CARMIL1: variants seen among roughly 807,000 people sequenced by gnomAD.
CARMIL1 encodes F-actin-uncapping protein LRRC16A.
A neutral mutation model predicts 177.1 loss-of-function variants in CARMIL1; 90 were observed. The ratio of observed to expected loss-of-function variants is 0.51; its 90% CI spans 0.43 to 0.61. The LOEUF is 0.61. CARMIL1 is among the 20% of genes least tolerant of loss of function. CARMIL1 has a pLI of 0.00. For missense variants in CARMIL1, 1,380 were observed against 1,667.0 expected (o/e 0.83, Z 3.00); for synonymous variants, 577 against 606.2 (o/e 0.95, Z 0.71).
At chr6:25,426,394 G>T in intron 3 of CARMIL1, 107 bp from the exon 4 acceptor site, 1 of 791,844 alleles carries the variant, frequency 1.3e-6, no homozygotes, top group South Asian at 2.0e-5. Flanking sequence ...TTGCTCTTGG[G>T]CTGTTTCTAG....
chr6:25,353,332 G>GT (rs1788293271), intron 2 of CARMIL1, among the ~76,000 whole-genome samples: 2 of 152,156 alleles, frequency 1.3e-5, no homozygotes, highest in Admixed American at 6.5e-5. Flanking sequence ...TAAAACTGAG[G>GT]TGCAGACAGG....
At chr6:25,488,730 T>C in intron 13 of CARMIL1, 145 bp downstream of exon 13, 1 of 681,680 alleles carries the variant, frequency 1.5e-6, no homozygotes, top group Non-Finnish European at 2.6e-6. Flanking sequence ...GCTTATGAAG[T>C]GTTTTACTGA....
intron 5 of CARMIL1, among the ~76,000 whole-genome samples, chr6:25,436,774 T>C (rs940003927): frequency 1.3e-4 from 20 of 152,162 alleles, no homozygotes; most frequent in African/African-American, 4.6e-4. Context: ...GCTTAAGTCT[T>C]GTGGTTCTCT....
chr6:25,584,725 G>A (rs1049736471), intron 31 of CARMIL1, among the ~76,000 whole-genome samples: 2 of 152,006 alleles, frequency 1.3e-5, no homozygotes, highest in Middle Eastern at 3.2e-3. Context: ...CTCTCCCCAT[G>A]TCTTCAGAGA....
At chr6:25,462,635 C>T (rs1305269057) in intron 8 of CARMIL1, among the ~76,000 whole-genome samples, 1 of 152,212 alleles carries the variant, frequency 6.6e-6, no homozygotes, top group Non-Finnish European at 1.5e-5. Context: ...AATACTCTTT[C>T]TCCCTGGCTG....
At chr6:25,369,182 T>C (rs183285761) in intron 2 of CARMIL1, among the ~76,000 whole-genome samples, 1 of 152,260 alleles carries the variant, frequency 6.6e-6, no homozygotes, top group Admixed American at 6.5e-5. Flanking sequence ...GGTGGATCTG[T>C]CTTGGATCCT....
chr6:25,521,924 C>T (rs1214115201), intron 23 of CARMIL1, among the ~76,000 whole-genome samples: 1 of 152,126 alleles, frequency 6.6e-6, no homozygotes, highest in African/African-American at 2.4e-5. Context: ...GCCAGCTGGC[C>T]CTGAACCCTT....
chr6:25,283,105 T>C (rs147770932), intron 1 of CARMIL1, among the ~76,000 whole-genome samples: 42 of 152,260 alleles, frequency 2.8e-4, no homozygotes, highest in African/African-American at 9.4e-4. Flanking sequence ...AAGAGAATAA[T>C]AGATACACAA....
chr6:25,544,645 A>ACACACACACC (rs1554221082), intron 26 of CARMIL1, among the ~76,000 whole-genome samples: 4 of 138,992 alleles, frequency 2.9e-5, no homozygotes, highest in African/African-American at 8.2e-5. Flanking sequence ...ACACACACAC[A>ACACACACACC]CCCCAAACAC....
intron 22 of CARMIL1, among the ~76,000 whole-genome samples, chr6:25,518,187 G>T (rs558494599): frequency 1.7e-4 from 26 of 152,282 alleles, no homozygotes; most frequent in African/African-American, 6.0e-4. Flanking sequence ...CAGATTCCTT[G>T]TATATGTGAG....
At chr6:25,406,155 C>A (rs1417226520) in intron 2 of CARMIL1, among the ~76,000 whole-genome samples, 1 of 152,130 alleles carries the variant, frequency 6.6e-6, no homozygotes, top group Non-Finnish European at 1.5e-5. Context: ...GATAAGTATT[C>A]ATAAGAAAAT....
At chr6:25,547,022 C>T (rs1809561131) in intron 26 of CARMIL1, among the ~76,000 whole-genome samples, 1 of 152,066 alleles carries the variant, frequency 6.6e-6, no homozygotes, top group Non-Finnish European at 1.5e-5. Context: ...GGCACCACTG[C>T]ACTCCAGCCT....
At chr6:25,285,813 T>C (rs1235476500) in intron 2 of CARMIL1, among the ~76,000 whole-genome samples, 3 of 152,096 alleles carry the variant, frequency 2.0e-5, no homozygotes, top group Admixed American at 6.5e-5. Context: ...GTTTTTTTTT[T>C]CCTCTGGAGA....
At chr6:25,592,685 G>GT (rs1373653579) in intron 31 of CARMIL1, among the ~76,000 whole-genome samples, 8 of 152,162 alleles carry the variant, frequency 5.3e-5, no homozygotes, top group East Asian at 1.9e-4. Flanking sequence ...TGTTCAAGGG[G>GT]TTTTTTCTTT....
At chr6:25,467,677 G>A (rs1247508022) in intron 9 of CARMIL1, among the ~76,000 whole-genome samples, 1 of 152,208 alleles carries the variant, frequency 6.6e-6, no homozygotes, top group African/African-American at 2.4e-5. Context: ...CCATGTAAGT[G>A]CTAGTATGCT....
At chr6:25,468,315 A>G (rs1054434891) in intron 9 of CARMIL1, among the ~76,000 whole-genome samples, 2 of 151,900 alleles carry the variant, frequency 1.3e-5, no homozygotes, top group Admixed American at 6.6e-5. Context: ...CTGTTTTGCA[A>G]TTCAGGCAAA....
At chr6:25,450,595 A>G in intron 7 of CARMIL1, 43 bp from the exon 8 acceptor site, 1 of 1,235,224 alleles carries the variant, frequency 8.1e-7, no homozygotes, top group Non-Finnish European at 1.2e-6. Context: ...TTTCCTGGTC[A>G]TCTGCATGGA....
intron 12 of CARMIL1, among the ~76,000 whole-genome samples, chr6:25,485,262 C>G (rs1802518948): frequency 6.6e-6 from 1 of 152,048 alleles, no homozygotes; most frequent in Non-Finnish European, 1.5e-5. Flanking sequence ...CTGGGCTTCT[C>G]CACCTCCTTA....
At chr6:25,613,325 C>T (rs1320039350) in intron 36 of CARMIL1, among the ~76,000 whole-genome samples, 1 of 152,162 alleles carries the variant, frequency 6.6e-6, no homozygotes, top group African/African-American at 2.4e-5. Context: ...AGGAAAGGAT[C>T]AATAAAAAGT....
Sources: allele counts gnomAD v4.1 joint callset (sites outside exome capture counted in the v4.1 genomes callset), GRCh38; gene constraint gnomAD v4.1.1; transcripts MANE v1.5; gene names NCBI Gene and HGNC (gene_info 2026-07-23, HGNC 2026-07-21).